HSD17B12: variants seen among roughly 807,000 people sequenced by gnomAD.
HSD17B12 encodes the protein very-long-chain 3-oxoacyl-CoA reductase.
In HSD17B12, 32 loss-of-function variants were observed where a neutral mutation model predicts 39.3. The observed-to-expected ratio is 0.81, with a 90% CI of 0.61 to 1.09. The LOEUF (loss-of-function observed/expected upper bound fraction) is 1.09, where lower values mean the gene tolerates loss of function less well. HSD17B12 is among the 50% of genes least tolerant of loss of function. HSD17B12 has a pLI of 0.00. For missense variants in HSD17B12, 342 were observed against 382.9 expected, an observed-to-expected ratio of 0.89 and a Z score of 0.89; for synonymous variants, 150 against 146.7, an observed-to-expected ratio of 1.02 and a Z score of -0.16.
Position 43,803,722 on chromosome 11 carries a change from A to G in HSD17B12, c.391+5295A>G, listed in dbSNP as rs12221617. ...TGAGAATTTATCCTGAAAGGTCACC[A>G]TAACTTGATGAGACTATAAATGCTT... On this transcript the variant is annotated intron_variant, in intron 4 of 10. Transcript: ENST00000278353. Among the ~76,000 whole-genome samples, 596 of 152,350 alleles carry G rather than the reference A, an allele frequency of 3.9e-3. 6 individuals carry two copies. In the East Asian group the frequency reaches 0.044, roughly 11 times the overall value.
upstream of HSD17B12, chr11:43,680,463 T>G (rs1407416827): frequency 3.3e-6 from 1 of 307,012 alleles, no homozygotes; most frequent in Non-Finnish European, 6.2e-6. Context: ...AGCCTGGGTC[T>G]GACCGGCCAA....
chr11:43,842,023 C>T (rs1418858127), intron 9 of HSD17B12, among the ~76,000 whole-genome samples: 1 of 152,116 alleles, frequency 6.6e-6, no homozygotes, highest in Non-Finnish European at 1.5e-5. Context: ...GGGTAAGCCA[C>T]TTGCCCATGT....
At chr11:43,683,090 A>ATG (rs200854575) in intron 1 of HSD17B12, among the ~76,000 whole-genome samples, 13 of 145,876 alleles carry the variant, frequency 8.9e-5, no homozygotes, top group South Asian at 2.2e-4. Context: ...CCATGCCTGG[A>ATG]TGTGTTTTTT....
At chr11:43,734,480 G>A (rs1950298588) in intron 1 of HSD17B12, 7 of 656,236 alleles carry the variant, frequency 1.1e-5, no homozygotes, top group Admixed American at 4.4e-5. Flanking sequence ...GCTGGAAGTC[G>A]TGGAGGACAT....
At chr11:43,620,801 G>A in the HSD17B12 span, among the ~76,000 whole-genome samples, 1 of 152,206 alleles carries the variant, frequency 6.6e-6, no homozygotes. Flanking sequence ...TGTTACCTCT[G>A]AGCTGAGCTG....
intron 6 of HSD17B12, among the ~76,000 whole-genome samples, chr11:43,825,906 G>T (rs917504845): frequency 1.3e-5 from 2 of 149,728 alleles, no homozygotes; most frequent in Admixed American, 6.7e-5. Context: ...CCTTATATAC[G>T]AGTGAAAATG....
the HSD17B12 span, among the ~76,000 whole-genome samples, chr11:43,591,530 G>A: frequency 2.6e-5 from 4 of 151,980 alleles, no homozygotes; most frequent in East Asian, 7.7e-4. Flanking sequence ...GCTTTTTTGA[G>A]GATTAGCTAT....
At chr11:43,767,995 G>A (rs1173145566) in intron 3 of HSD17B12, among the ~76,000 whole-genome samples, 5 of 152,168 alleles carry the variant, frequency 3.3e-5, no homozygotes, top group Non-Finnish European at 7.3e-5. Context: ...CTCTGTTTAG[G>A]AACTGCTGAT....
At chr11:43,801,049 G>T (rs536981354) in intron 4 of HSD17B12, among the ~76,000 whole-genome samples, 4 of 152,106 alleles carry the variant, frequency 2.6e-5, no homozygotes, top group African/African-American at 9.6e-5. Flanking sequence ...TGAGGCAGGA[G>T]AATCGCTTGA....
chr11:43,663,225 C>T, the HSD17B12 span, among the ~76,000 whole-genome samples: 1 of 152,108 alleles, frequency 6.6e-6, no homozygotes, highest in African/African-American at 2.4e-5. Context: ...TCAGAACTCG[C>T]AAGTAGCTGG....
intron 3 of HSD17B12, among the ~76,000 whole-genome samples, chr11:43,790,358 T>C (rs1046507608): frequency 6.6e-6 from 1 of 152,124 alleles, no homozygotes; most frequent in African/African-American, 2.4e-5. Flanking sequence ...GAGTTAAGAA[T>C]ACAGATTATA....
the HSD17B12 span, among the ~76,000 whole-genome samples, chr11:43,606,094 C>T: frequency 2.0e-5 from 3 of 152,174 alleles, no homozygotes; most frequent in Admixed American, 6.5e-5. Flanking sequence ...CAGGTCAATT[C>T]CTAAAATATT....
chr11:43,631,609 G>C, the HSD17B12 span, among the ~76,000 whole-genome samples: 6 of 116,488 alleles, frequency 5.2e-5, no homozygotes, highest in Admixed American at 5.1e-4. Context: ...CTCTCTCTCT[G>C]TCTCTCTCTC....
At chr11:43,848,077 C>T (rs1951495125) in intron 9 of HSD17B12, among the ~76,000 whole-genome samples, 3 of 152,146 alleles carry the variant, frequency 2.0e-5, no homozygotes. Context: ...TCCATCCTTT[C>T]TTCCTGTTAA....
intron 3 of HSD17B12, chr11:43,755,016 G>T: frequency 3.4e-6 from 2 of 588,270 alleles, no homozygotes; most frequent in African/African-American, 1.9e-5. Context: ...ACCATTTGTG[G>T]CCAGGAAGCT....
chr11:43,777,180 T>C (rs1950714660), intron 3 of HSD17B12, among the ~76,000 whole-genome samples: 1 of 152,178 alleles, frequency 6.6e-6, no homozygotes, highest in Non-Finnish European at 1.5e-5. Context: ...GCATTGAATC[T>C]GTAAATTGCC....
At chr11:43,655,396 T>C in the HSD17B12 span, among the ~76,000 whole-genome samples, 1 of 152,192 alleles carries the variant, frequency 6.6e-6, no homozygotes, top group Non-Finnish European at 1.5e-5. Flanking sequence ...ATGCCCTTTA[T>C]TTCCTTCTCC....
At chr11:43,850,249 A>G (rs1440880932) in intron 9 of HSD17B12, among the ~76,000 whole-genome samples, 1 of 152,130 alleles carries the variant, frequency 6.6e-6, no homozygotes, top group Non-Finnish European at 1.5e-5. Flanking sequence ...AGTAATACGC[A>G]CTCCAAAACT....
chr11:43,762,695 A>T (rs1004254406), intron 3 of HSD17B12, among the ~76,000 whole-genome samples: 1 of 152,216 alleles, frequency 6.6e-6, no homozygotes, highest in African/African-American at 2.4e-5. Context: ...GAGCCTTATC[A>T]TGGACATTAA....
Sources: gnomAD v4.1 joint callset for allele counts (sites outside exome capture counted in the v4.1 genomes callset) on GRCh38, gnomAD v4.1.1 for gene constraint, MANE v1.5 for transcripts, NCBI Gene and HGNC (gene_info 2026-07-23, HGNC 2026-07-21) for gene names.